MCTP1: variants seen among roughly 807,000 people sequenced by gnomAD.
MCTP1 encodes multiple C2 and transmembrane domain containing 1.
A neutral mutation model predicts 120.6 loss-of-function variants in MCTP1; 69 were observed. That is an observed-to-expected ratio of 0.57 (90% CI 0.47 to 0.70). The LOEUF (loss-of-function observed/expected upper bound fraction) is 0.70, where lower values mean the gene tolerates loss of function less well. Among genes scored for constraint, MCTP1 ranks in the 30% least tolerant of loss-of-function variants. The pLI is 0.00. For synonymous variants in MCTP1, 529 were observed against 493.1 expected (o/e 1.07, Z -0.96); for missense variants, 1,203 against 1,248.8 (o/e 0.96, Z 0.55).
At chr5:95,006,780 T>C (rs537958433) in intron 2 of MCTP1, among the ~76,000 whole-genome samples, 1 of 152,332 alleles carries the variant, frequency 6.6e-6, no homozygotes, top group East Asian at 1.9e-4. Flanking sequence ...TCAACCATAA[T>C]GCTTAATCTT....
chr5:95,219,800 C>G (rs1402298812), intron 1 of MCTP1, among the ~76,000 whole-genome samples: 5 of 152,164 alleles, frequency 3.3e-5, no homozygotes. Context: ...CTGTAACTGT[C>G]CCTTCATTTG....
chr5:95,171,843 C>G (rs748537611), intron 1 of MCTP1, among the ~76,000 whole-genome samples: 1 of 151,272 alleles, frequency 6.6e-6, no homozygotes, highest in Non-Finnish European at 1.5e-5. Context: ...AGCTTCTTTG[C>G]GATGGGTTTC....
At position 95,276,509 on chromosome 5, in the gene MCTP1, G is replaced by A. The variant is rs376912667; in HGVS notation, c.720+7347C>T. On this transcript the variant is annotated intron_variant, in intron 1 of 22. Coordinates refer to ENST00000515393, the MANE Select transcript of MCTP1 (RefSeq NM_024717.7). Reference sequence around the variant, plus strand: ...CTGACCTCAGGTGATCCGCTGCCTCGGCCTCCCAAAGTGCTGGGATTACAG... The same window carrying A: ...CTGACCTCAGGTGATCCGCTGCCTCAGCCTCCCAAAGTGCTGGGATTACAG... 5.7e-3 allele frequency among the ~76,000 whole-genome samples: 859 copies of A among 150,652 alleles called. 9 individuals are homozygous for A. The highest frequency in any genetic ancestry group is 0.029 in the South Asian group (139 of 4,778).
chr5:95,105,721 T>A (rs1757035089), intron 1 of MCTP1, among the ~76,000 whole-genome samples: 1 of 151,952 alleles, frequency 6.6e-6, no homozygotes, highest in Non-Finnish European at 1.5e-5. Context: ...TCATTAGGAG[T>A]AGCAGGAGGA....
intron 2 of MCTP1, among the ~76,000 whole-genome samples, chr5:94,987,171 A>T (rs1250475127): frequency 6.6e-6 from 1 of 152,142 alleles, no homozygotes; most frequent in Non-Finnish European, 1.5e-5. Context: ...ACTGTGTTGC[A>T]TGCTTACTAT....
intron 1 of MCTP1, among the ~76,000 whole-genome samples, chr5:95,241,942 G>A (rs1756210360): frequency 6.6e-6 from 1 of 152,118 alleles, no homozygotes; most frequent in African/African-American, 2.4e-5. Context: ...CTCACTGAGT[G>A]AAAATAGGCA....
chr5:94,919,872 C>T (rs1651571650), intron 7 of MCTP1, among the ~76,000 whole-genome samples: 1 of 152,224 alleles, frequency 6.6e-6, no homozygotes, highest in African/African-American at 2.4e-5. Flanking sequence ...TTACAGAAAA[C>T]TCTCCCAGTG....
At position 94,910,821 on chromosome 5, in the gene MCTP1, A is replaced by G. The variant is rs140437840; in HGVS notation, c.1522-1440T>C. On this transcript the variant is annotated intron_variant, in intron 9 of 22. Transcript: ENST00000515393. The stretch of plus-strand genomic sequence containing the variant: ...ATATGTTATATATTATAGCTACTTT[A>G]ATATAAGCCCCATGGCAGAAAAAAA... 7.2e-3 allele frequency among the ~76,000 whole-genome samples: 1,096 copies of G among 152,332 alleles called. 8 individuals are homozygous for G. The highest frequency in any genetic ancestry group is 0.012 in the Non-Finnish European group (793 of 68,030).
intron 1 of MCTP1, among the ~76,000 whole-genome samples, chr5:95,268,138 A>C (rs929440368): frequency 3.3e-5 from 5 of 152,266 alleles, no homozygotes; most frequent in African/African-American, 1.2e-4. Context: ...TGTAATTGGT[A>C]ACAATTTGCA....
intron 12 of MCTP1, among the ~76,000 whole-genome samples, chr5:94,874,401 A>G (rs1798374515): frequency 6.6e-6 from 1 of 152,078 alleles, no homozygotes; most frequent in African/African-American, 2.4e-5. Context: ...CCATATTGCA[A>G]TTCTTAAAAT....
chr5:95,001,162 C>T (rs1314203374), intron 2 of MCTP1, among the ~76,000 whole-genome samples: 2 of 152,226 alleles, frequency 1.3e-5, no homozygotes, highest in Non-Finnish European at 2.9e-5. Context: ...TGTACGTTTC[C>T]TGAAGCCTCC....
In MCTP1 at chr5:94,703,808, A is replaced by G. The variant is rs1187805022; in HGVS notation, c.*3688T>C. 6.6e-6 allele frequency: 1 copy of G among 151,266 alleles called. No homozygotes were observed. Among genetic ancestry groups the G allele is most frequent in the East Asian group, 1.9e-4 (1 of 5,130 alleles). 9.4% of individuals were successfully genotyped at this position (151,266 alleles called of 1,614,324 possible). ...CTTTCATGGTGCTCTTAGTTTCTAC[A>G]TTGTATGATTGCTTTGGACATTTGA... On this transcript the variant is annotated 3_prime_UTR_variant, in exon 23 of 23. Transcript: ENST00000515393.
chr5:94,927,288 C>A (rs575612032), intron 6 of MCTP1, among the ~76,000 whole-genome samples: 7 of 152,228 alleles, frequency 4.6e-5, no homozygotes, highest in Middle Eastern at 3.4e-3. Context: ...CTGCTATTTA[C>A]CATTTGTTCA....
chr5:94,937,600 C>T (rs1388594190), intron 5 of MCTP1, among the ~76,000 whole-genome samples: 2 of 151,920 alleles, frequency 1.3e-5, no homozygotes, highest in African/African-American at 2.4e-5. Flanking sequence ...TAAGTTTGAG[C>T]AACCATGGAG....
chr5:94,826,772 CTTTTTTTTTTTTTTTTTTTTTT>C (rs61324420), intron 17 of MCTP1: 8 of 42,994 alleles, frequency 1.9e-4, no homozygotes, highest in African/African-American at 6.5e-4. Context: ...GTGACCCCTG[CTTTTTTTTTTTTTTTTTTTTTT>C]TTTTTTTTTT....
At chr5:95,274,880 C>T (rs999946283) in intron 1 of MCTP1, among the ~76,000 whole-genome samples, 1 of 152,140 alleles carries the variant, frequency 6.6e-6, no homozygotes, top group African/African-American at 2.4e-5. Flanking sequence ...GCCTCGGCCT[C>T]CCAAAGGCTA....
intron 11 of MCTP1, among the ~76,000 whole-genome samples, chr5:94,890,788 AG>A (rs1802409440): frequency 6.6e-6 from 1 of 152,238 alleles, no homozygotes; most frequent in East Asian, 1.9e-4. Context: ...ATACTTTGAG[AG>A]TAAAATGAAC....
At chr5:95,119,448 A>G (rs560200129) in intron 1 of MCTP1, among the ~76,000 whole-genome samples, 4 of 152,322 alleles carry the variant, frequency 2.6e-5, no homozygotes, top group African/African-American at 9.6e-5. Context: ...TAAATAGGCA[A>G]GCTAACAATG....
intron 1 of MCTP1, among the ~76,000 whole-genome samples, chr5:95,150,492 T>C (rs1703934260): frequency 6.6e-6 from 1 of 152,250 alleles, no homozygotes. Flanking sequence ...TCTTTGGCTT[T>C]AGCTGGGAGG....
Sources: gnomAD v4.1 joint callset for allele counts (sites outside exome capture counted in the v4.1 genomes callset) on GRCh38, gnomAD v4.1.1 for gene constraint, MANE v1.5 for transcripts, NCBI Gene and HGNC (gene_info 2026-07-23, HGNC 2026-07-21) for gene names.